ATP7B: variants seen among roughly 807,000 people sequenced by gnomAD.
The protein encoded by ATP7B is ATPase copper transporting beta, also known as copper-transporting ATPase 2.
A neutral mutation model predicts 118.9 loss-of-function variants in ATP7B; 113 were observed. The observed-to-expected ratio is 0.95, with a 90% confidence interval of 0.82 to 1.11. ATP7B has a LOEUF of 1.11. Ranked by LOEUF, ATP7B falls within the 50% of genes most tolerant of loss-of-function variation. ATP7B has a pLI of 0.00. For synonymous variants in ATP7B, 777 were observed against 727.4 expected (o/e 1.07, Z -1.10); for missense variants, 1,867 against 1,871.4 (o/e 1.00, Z 0.04).
intron 19 of ATP7B, 40 bp from the exon 20 acceptor site, chr13:51,935,735 G>T (rs373573239): frequency 7.0e-6 from 11 of 1,568,008 alleles, no homozygotes; most frequent in Non-Finnish European, 8.7e-6. Context: ...TAGGTCTGGG[G>T]AGAGGAGCCA....
Position 51,950,283 on chromosome 13 carries a change from G to T in ATP7B, c.2564C>A (p.Ser855Tyr), listed in dbSNP as rs764783012. 1.2e-6 allele frequency: 2 copies of T among 1,614,100 alleles called. No homozygotes were observed. Among genetic ancestry groups the T allele is most frequent in the South Asian group, 2.2e-5 (2 of 91,068 alleles). ...ACAAGCCATCTCACCTGTGATGAGG[G>T]ACTCATCAGCCATGGTATTGCCTTC... ...VLEGNTMADESLITGEAMPVT... is the reference protein window; with the variant it reads ...VLEGNTMADEYLITGEAMPVT... The change falls in exon 10 of 21, where the codon TCC (serine) becomes TAC (tyrosine). Residue 855 changes from serine (S) to tyrosine (Y), a missense_variant. By Grantham distance (144) the Ser-to-Tyr change is moderately radical (BLOSUM62 -2). Transcript: ENST00000242839.
chr13:51,995,200 C>G (rs1953145130), intron 1 of ATP7B: 1 of 762,668 alleles, frequency 1.3e-6, no homozygotes, highest in African/African-American at 1.9e-5. Flanking sequence ...ACTCTCATTC[C>G]GCTCCCCAGA....
At chr13:51,939,726 T>C (rs1412116000) in intron 16 of ATP7B, among the ~76,000 whole-genome samples, 1 of 152,116 alleles carries the variant, frequency 6.6e-6, no homozygotes, top group Non-Finnish European at 1.5e-5. Context: ...AGGGATGACA[T>C]ACGAGAGGGC....
chr13:51,989,853 T>A (rs1346428716), intron 1 of ATP7B, among the ~76,000 whole-genome samples: 1 of 152,196 alleles, frequency 6.6e-6, no homozygotes, highest in South Asian at 2.1e-4. Context: ...ACACTCTGTA[T>A]TTCAAGCCTT....
chr13:51,981,894 C>G (rs1952440146), intron 1 of ATP7B, among the ~76,000 whole-genome samples: 1 of 152,124 alleles, frequency 6.6e-6, no homozygotes, highest in South Asian at 2.1e-4. Context: ...CTAAGGCAAG[C>G]CTGTCCAACC....
At chr13:51,967,280 T>C (rs148956326) in intron 4 of ATP7B, 12 of 720,988 alleles carry the variant, frequency 1.7e-5, no homozygotes, top group Non-Finnish European at 2.6e-5. Context: ...CACAAACATT[T>C]TACATGCAGT....
rs1257774863 is a variant in ATP7B at position 51,973,949 on chromosome 13, G to A, written c.1271C>T (p.Ala424Val). 1 of 1,614,096 alleles carries A rather than the reference G, an allele frequency of 6.2e-7. No individual in the cohort carries two copies. Among genetic ancestry groups the A allele is most frequent in the Non-Finnish European group, 8.5e-7 (1 of 1,180,052 alleles). The stretch of plus-strand genomic sequence containing the variant: ...ACACTACGTACCAGAAACGACTGAA[G>A]CCTCAAATCCCATGTCTTCTATAGC... ...RAAIEDMGFE[A>V]SVVSESCSTN... Residue 424 changes from alanine to valine, a missense_variant, in exon 2 of 21, where the codon GCT (alanine) becomes GTT (valine). By Grantham distance (64) the Ala-to-Val change is moderately conservative (BLOSUM62 0). Transcript: ENST00000242839.
intron 3 of ATP7B, among the ~76,000 whole-genome samples, chr13:51,968,893 A>C (rs1479186059): frequency 2.9e-5 from 4 of 135,944 alleles, no homozygotes; most frequent in Non-Finnish European, 4.6e-5. Context: ...ATGGAATCTC[A>C]CTCTGTTGCC....
At chr13:51,938,151 C>T (rs1593648056) in intron 17 of ATP7B, among the ~76,000 whole-genome samples, 2 of 152,172 alleles carry the variant, frequency 1.3e-5, no homozygotes, top group Non-Finnish European at 2.9e-5. Context: ...CATTCAGCTC[C>T]CCGCGGCATC....
chr13:52,000,499 A>C (rs1366366108), intron 1 of ATP7B, among the ~76,000 whole-genome samples: 1 of 152,202 alleles, frequency 6.6e-6, no homozygotes, highest in Non-Finnish European at 1.5e-5. Flanking sequence ...ATTAACATTC[A>C]GACTATATCA....
At chr13:51,936,874 T>C (rs1368848551) in intron 19 of ATP7B, among the ~76,000 whole-genome samples, 3 of 152,190 alleles carry the variant, frequency 2.0e-5, no homozygotes, top group African/African-American at 4.8e-5. Flanking sequence ...AGAGTGAAAC[T>C]TGGGCAGGAT....
intron 9 of ATP7B, among the ~76,000 whole-genome samples, chr13:51,951,215 C>T (rs973357982): frequency 6.6e-6 from 1 of 151,962 alleles, no homozygotes; most frequent in African/African-American, 2.4e-5. Flanking sequence ...ATTCTTAGAT[C>T]ATGTGTTAAC....
chr13:52,000,018 CAG>C (rs1166037315), intron 1 of ATP7B, among the ~76,000 whole-genome samples: 2 of 152,162 alleles, frequency 1.3e-5, no homozygotes, highest in East Asian at 1.9e-4. Context: ...AGCTCCTACT[CAG>C]AGTCTTTCAC....
At chr13:51,943,335 C>T (rs1566471902) in intron 14 of ATP7B, among the ~76,000 whole-genome samples, 1 of 152,194 alleles carries the variant, frequency 6.6e-6, no homozygotes, top group Non-Finnish European at 1.5e-5. Flanking sequence ...GAGCAAGATT[C>T]TCCCTGAAAT....
At chr13:51,943,411 A>T (rs1386330740) in intron 14 of ATP7B, among the ~76,000 whole-genome samples, 1 of 152,122 alleles carries the variant, frequency 6.6e-6, no homozygotes, top group Non-Finnish European at 1.5e-5. Context: ...ACTAGAAATG[A>T]GGTTTCTGGA....
chr13:51,949,984 A>T (rs1467534541), intron 11 of ATP7B, 23 bp downstream of exon 11: 6 of 1,614,204 alleles, frequency 3.7e-6, no homozygotes, highest in Admixed American at 3.3e-5. Context: ...AGATGAAGTT[A>T]GTTTTAAAAA....
At chr13:51,937,233 C>T in intron 19 of ATP7B, 43 bp downstream of exon 19, 2 of 1,586,930 alleles carry the variant, frequency 1.3e-6, no homozygotes, top group African/African-American at 1.3e-5. Context: ...AGACAGAAGC[C>T]TTTCTGGGCG....
chr13:51,967,994 G>A (rs1312590659), intron 4 of ATP7B, among the ~76,000 whole-genome samples: 1 of 152,136 alleles, frequency 6.6e-6, no homozygotes, highest in Non-Finnish European at 1.5e-5. Context: ...AGACACCCAT[G>A]CACCTATCAC....
chr13:51,971,501 T>C (rs1252155991), intron 2 of ATP7B, among the ~76,000 whole-genome samples: 2 of 152,244 alleles, frequency 1.3e-5, no homozygotes, highest in African/African-American at 2.4e-5. Context: ...TTCTGTAATA[T>C]GTAAGTTCAG....
Sources: gnomAD v4.1 joint callset for allele counts (sites outside exome capture counted in the v4.1 genomes callset) on GRCh38, gnomAD v4.1.1 for gene constraint, MANE v1.5 for transcripts, NCBI Gene and HGNC (gene_info 2026-07-23, HGNC 2026-07-21) for gene names.